The following SUGCT variants were observed in gnomAD, a reference collection of about 807,000 sequenced individuals.
The protein encoded by SUGCT is succinyl-CoA:glutarate-CoA transferase, also known as succinyl-CoA:glutarate CoA-transferase.
A neutral mutation model predicts 55.0 loss-of-function variants in SUGCT; 41 were observed. That is an observed-to-expected ratio of 0.74 (90% CI 0.58 to 0.97). The LOEUF (loss-of-function observed/expected upper bound fraction) is 0.97, where lower values mean the gene tolerates loss of function less well. SUGCT is among the 50% of genes least tolerant of loss of function. The pLI, the probability that SUGCT is intolerant of heterozygous loss-of-function variation, is 0.00. For synonymous variants in SUGCT, 187 were observed against 200.4 expected (o/e 0.93, Z 0.56); for missense variants, 568 against 547.8 (o/e 1.04, Z -0.37).
At chr7:40,521,758 G>A (rs1205678873) in intron 12 of SUGCT, among the ~76,000 whole-genome samples, 6 of 152,028 alleles carry the variant, frequency 3.9e-5, no homozygotes, top group African/African-American at 1.4e-4. Context: ...GTAGTATAGG[G>A]ATGAATACTA....
intron 8 of SUGCT, among the ~76,000 whole-genome samples, chr7:40,290,735 A>C (rs539445592): frequency 9.8e-5 from 15 of 152,314 alleles, no homozygotes; most frequent in African/African-American, 3.4e-4. Context: ...AAAATGGGAG[A>C]AAATTTTCTC....
intron 9 of SUGCT, among the ~76,000 whole-genome samples, chr7:40,440,145 GTTTTTTTT>G (rs138984553): frequency 8.0e-4 from 55 of 68,456 alleles, no homozygotes; most frequent in African/African-American, 3.2e-3. Context: ...GTGTGTGTGT[GTTTTTTTT>G]TTTTTTTTTT....
At chr7:40,772,010 T>C (rs1789129397) in intron 13 of SUGCT, among the ~76,000 whole-genome samples, 1 of 152,176 alleles carries the variant, frequency 6.6e-6, no homozygotes, top group African/African-American at 2.4e-5. Context: ...GACCATATGT[T>C]CCATTTGCCT....
the SUGCT span, among the ~76,000 whole-genome samples, chr7:41,010,025 G>A: frequency 3.9e-5 from 6 of 152,188 alleles, no homozygotes; most frequent in Admixed American, 6.5e-5. Context: ...CGCTGGATGT[G>A]TACTATTTTG....
chr7:40,704,833 C>T (rs1182299357), intron 12 of SUGCT, among the ~76,000 whole-genome samples: 6 of 152,164 alleles, frequency 3.9e-5, no homozygotes, highest in African/African-American at 7.2e-5. Flanking sequence ...CTGCTATCCT[C>T]GTTTCACAGA....
intron 7 of SUGCT, among the ~76,000 whole-genome samples, chr7:40,238,095 C>T (rs972117473): frequency 2.0e-5 from 3 of 152,120 alleles, no homozygotes; most frequent in African/African-American, 7.2e-5. Flanking sequence ...TGAAATAAAA[C>T]AGTTGACTAG....
chr7:40,602,992 A>G (rs1798364409), intron 12 of SUGCT, among the ~76,000 whole-genome samples: 1 of 152,200 alleles, frequency 6.6e-6, no homozygotes, highest in Non-Finnish European at 1.5e-5. Context: ...GAGCTGGCAT[A>G]GTAATTCTGA....
intron 11 of SUGCT, among the ~76,000 whole-genome samples, chr7:40,460,082 TA>T (rs1789709970): frequency 6.6e-6 from 1 of 152,220 alleles, no homozygotes; most frequent in Non-Finnish European, 1.5e-5. Flanking sequence ...TGTTTCTATG[TA>T]GTATACATCA....
At chr7:40,564,363 C>A (rs973993366) in intron 12 of SUGCT, among the ~76,000 whole-genome samples, 1 of 152,018 alleles carries the variant, frequency 6.6e-6, no homozygotes, top group Admixed American at 6.6e-5. Flanking sequence ...GCGACCTGGG[C>A]GACAGAGCGA....
At chr7:40,640,800 T>C (rs1239628095) in intron 12 of SUGCT, among the ~76,000 whole-genome samples, 1 of 152,208 alleles carries the variant, frequency 6.6e-6, no homozygotes, top group Non-Finnish European at 1.5e-5. Flanking sequence ...TTTTAACTGT[T>C]GTGGTTAGGT....
At chr7:40,825,685 A>G (rs1252724943) in intron 13 of SUGCT, among the ~76,000 whole-genome samples, 1 of 152,170 alleles carries the variant, frequency 6.6e-6, no homozygotes, top group Admixed American at 6.6e-5. Flanking sequence ...GACTCAGCTC[A>G]TTAAGTAGGC....
At chr7:40,997,218 C>G in the SUGCT span, among the ~76,000 whole-genome samples, 1 of 152,172 alleles carries the variant, frequency 6.6e-6, no homozygotes, top group Non-Finnish European at 1.5e-5. Flanking sequence ...CTCTCTGTCT[C>G]CCTCATCCTA....
In SUGCT at chr7:40,399,699, CT is replaced by C. The variant is rs1785956454; in HGVS notation, c.817-49583del. 2.0e-5 allele frequency among the ~76,000 whole-genome samples: 3 copies of C among 152,274 alleles called. No individual in the cohort carries two copies. In the South Asian group the frequency reaches 6.2e-4, roughly 32 times the overall value. ...GAAATGAGCATATTAGCTTATTTTG[CT>C]TTTTGCTTTCCAATCTGTATGTCAT... On this transcript the variant is annotated intron_variant, in intron 9 of 13. Coordinates refer to ENST00000335693, the MANE Select transcript of SUGCT (RefSeq NM_001193313.2).
At chr7:40,980,820 C>G in the SUGCT span, among the ~76,000 whole-genome samples, 4 of 152,106 alleles carry the variant, frequency 2.6e-5, no homozygotes, top group Admixed American at 2.6e-4. Context: ...CCTCAGCCTC[C>G]CAAGTAGCTG....
At chr7:40,995,549 G>A in the SUGCT span, among the ~76,000 whole-genome samples, 2 of 152,002 alleles carry the variant, frequency 1.3e-5, no homozygotes, top group African/African-American at 4.8e-5. Flanking sequence ...GCCCTGGATT[G>A]TGTCCAATTT....
chr7:40,157,258 C>T (rs1328254899), intron 1 of SUGCT, among the ~76,000 whole-genome samples: 1 of 152,036 alleles, frequency 6.6e-6, no homozygotes, highest in Non-Finnish European at 1.5e-5. Context: ...CCCTTTTCTT[C>T]CCAAGCAGAA....
the SUGCT span, among the ~76,000 whole-genome samples, chr7:40,993,607 T>G: frequency 6.6e-6 from 1 of 152,190 alleles, no homozygotes; most frequent in Non-Finnish European, 1.5e-5. Context: ...GAGAGCAAAT[T>G]ACTCCTTGAT....
intron 12 of SUGCT, among the ~76,000 whole-genome samples, chr7:40,699,801 G>A (rs1409517423): frequency 6.6e-6 from 1 of 152,072 alleles, no homozygotes; most frequent in African/African-American, 2.4e-5. Context: ...CCCGGGAGGT[G>A]GAGGCTGCAG....
intron 13 of SUGCT, among the ~76,000 whole-genome samples, chr7:40,816,381 A>G (rs973164620): frequency 2.0e-5 from 3 of 152,144 alleles, no homozygotes; most frequent in Admixed American, 6.5e-5. Flanking sequence ...AACATCTTCA[A>G]TCCTTTCCCC....
Sources: allele counts gnomAD v4.1 joint callset (sites outside exome capture counted in the v4.1 genomes callset), GRCh38; gene constraint gnomAD v4.1.1; transcripts MANE v1.5; gene names NCBI Gene and HGNC (gene_info 2026-07-23, HGNC 2026-07-21).